Variants in EPB41L4A observed in about 807,000 individuals in gnomAD.
The protein encoded by EPB41L4A is band 4.1-like protein 4A.
In EPB41L4A, 100 loss-of-function variants were observed where a neutral mutation model predicts 108.6. The ratio of observed to expected loss-of-function variants is 0.92; its 90% CI spans 0.78 to 1.09. The LOEUF is 1.09. Among genes scored for constraint, EPB41L4A ranks in the 50% least tolerant of loss-of-function variants. EPB41L4A has a pLI of 0.00. For missense variants in EPB41L4A, 1,030 were observed against 842.7 expected (o/e 1.22, Z -2.75); for synonymous variants, 319 against 289.0 (o/e 1.10, Z -1.05).
intron 5 of EPB41L4A, among the ~76,000 whole-genome samples, chr5:112,265,360 A>G (rs1751773716): frequency 6.6e-6 from 1 of 152,266 alleles, no homozygotes; most frequent in Non-Finnish European, 1.5e-5. Context: ...AAAAACAACC[A>G]TGACCTCAAT....
chr5:112,342,388 A>G lies in EPB41L4A; in HGVS notation c.100-34898T>C, dbSNP rs962840155. Among the ~76,000 whole-genome samples the G allele has an allele frequency of 2.6e-5, 4 of 152,230 alleles. 1 individual carries two copies. The highest frequency in any genetic ancestry group is 1.3e-4 in the Admixed American group (2 of 15,290). ...AAAGCATTCACAGAATGCTTTATTC[A>G]TAGAAATTGTGCTCAGCACAATCCA... On this transcript the variant is annotated intron_variant, in intron 1 of 22. Coordinates refer to ENST00000261486, the MANE Select transcript of EPB41L4A (RefSeq NM_022140.5).
chr5:112,185,249 A>C (rs1206507606), intron 17 of EPB41L4A, among the ~76,000 whole-genome samples: 7 of 152,230 alleles, frequency 4.6e-5, no homozygotes, highest in African/African-American at 1.7e-4. Context: ...CTGCAACTGC[A>C]TGAGCATAAC....
chr5:112,364,011 T>C (rs1758957310), intron 1 of EPB41L4A, among the ~76,000 whole-genome samples: 1 of 151,984 alleles, frequency 6.6e-6, no homozygotes, highest in South Asian at 2.1e-4. Flanking sequence ...ATATTTGCTT[T>C]CATTCATTTA....
rs750604161 is a variant in EPB41L4A, at chr5:112,171,019, C to G, written c.1623-27G>C. Reference sequence around the variant, plus strand: ...TATAAATAGAGAAAACAACATTCATCTCTGCAAACATGCTTCATCTCACAA... The same window carrying G: ...TATAAATAGAGAAAACAACATTCATGTCTGCAAACATGCTTCATCTCACAA... On this transcript the variant is annotated intron_variant, in intron 18 of 22. Transcript: ENST00000261486. The G allele has an allele frequency of 1.9e-6, 3 of 1,598,058 alleles. No homozygotes were observed. The East Asian group carries it at 6.7e-5, about 36-fold the overall frequency.
intron 2 of EPB41L4A, among the ~76,000 whole-genome samples, chr5:112,297,242 T>C (rs924081308): frequency 1.3e-5 from 2 of 152,186 alleles, no homozygotes; most frequent in African/African-American, 4.8e-5. Context: ...CTGTACTAGT[T>C]TACATTCCCA....
chr5:112,419,564 C>G (rs1377917388), upstream of EPB41L4A: 3 of 444,000 alleles, frequency 6.8e-6, no homozygotes, highest in South Asian at 3.2e-5. Context: ...CAGCCGCGAC[C>G]CCGCCCCGCA....
At chr5:112,393,775 G>A (rs1046170579) in intron 1 of EPB41L4A, among the ~76,000 whole-genome samples, 2 of 152,108 alleles carry the variant, frequency 1.3e-5, no homozygotes, top group African/African-American at 4.8e-5. Flanking sequence ...AAGCCTGGCA[G>A]AGACACAACA....
chr5:112,306,199 A>T (rs562697424), intron 2 of EPB41L4A, among the ~76,000 whole-genome samples: 1 of 152,164 alleles, frequency 6.6e-6, no homozygotes, highest in African/African-American at 2.4e-5. Context: ...GTAGCACATG[A>T]CACCTTCTTT....
rs576436108 is a variant in EPB41L4A at position 112,277,205 on chromosome 5, G to A, written c.257-1801C>T. On this transcript the variant is annotated intron_variant, in intron 3 of 22. Coordinates refer to ENST00000261486, the MANE Select transcript of EPB41L4A (RefSeq NM_022140.5). ...GGGTTGGTACCTAGGGGGCGGGGAGGAGCACAGATGCTGCTGAGATGGTGC... is the reference window on the plus strand; with the variant it reads ...GGGTTGGTACCTAGGGGGCGGGGAGAAGCACAGATGCTGCTGAGATGGTGC... Among the ~76,000 whole-genome samples the A allele has an allele frequency of 9.2e-5, 14 of 152,256 alleles. No homozygotes were observed. The South Asian group carries it at 2.3e-3, about 25-fold the overall frequency.
chr5:112,387,570 A>C (rs1236891267), intron 1 of EPB41L4A, among the ~76,000 whole-genome samples: 1 of 152,220 alleles, frequency 6.6e-6, no homozygotes, highest in Non-Finnish European at 1.5e-5. Context: ...CGGAGCTTGC[A>C]GTGAGCCGAA....
At chr5:112,298,256 C>T (rs886556919) in intron 2 of EPB41L4A, among the ~76,000 whole-genome samples, 3 of 151,998 alleles carry the variant, frequency 2.0e-5, no homozygotes, top group East Asian at 1.9e-4. Context: ...TACCCATCCA[C>T]GAACATGAAA....
intron 13 of EPB41L4A, among the ~76,000 whole-genome samples, chr5:112,208,292 C>T (rs1405746551): frequency 3.4e-5 from 5 of 147,150 alleles, no homozygotes; most frequent in Non-Finnish European, 6.0e-5. Context: ...CTCATTGCAG[C>T]ACTATTCACA....
intron 1 of EPB41L4A, among the ~76,000 whole-genome samples, chr5:112,317,655 T>C (rs1460670602): frequency 1.3e-5 from 2 of 152,168 alleles, no homozygotes; most frequent in African/African-American, 4.8e-5. Flanking sequence ...TCACAACAGA[T>C]GATGCATAAA....
At chr5:112,224,602 A>G (rs1472659466) in intron 12 of EPB41L4A, among the ~76,000 whole-genome samples, 3 of 152,196 alleles carry the variant, frequency 2.0e-5, no homozygotes, top group Non-Finnish European at 4.4e-5. Context: ...ACCAAGGCAG[A>G]CCAGGAATTC....
chr5:112,161,471 C>G (rs776003873), downstream of EPB41L4A: 1 of 517,876 alleles, frequency 1.9e-6, no homozygotes. Flanking sequence ...ATAAAGCCTA[C>G]CTCACGCAGT....
rs185704233 is a variant in EPB41L4A, at chr5:112,235,054, T to C, written c.966-299A>G. Among the ~76,000 whole-genome samples the C allele has an allele frequency of 2.5e-3, 374 of 152,210 alleles. No individual in the cohort carries two copies. The highest frequency in any genetic ancestry group is 7.8e-3 in the African/African-American group (323 of 41,550). ...TAGAAATAAAGGTTGCTGACAGTCTTTAAGGTCACTAAATAATAAAGAAAT... is the reference window on the plus strand; with the variant it reads ...TAGAAATAAAGGTTGCTGACAGTCTCTAAGGTCACTAAATAATAAAGAAAT... On this transcript the variant is annotated intron_variant, in intron 11 of 22. Coordinates refer to ENST00000261486, the MANE Select transcript of EPB41L4A (RefSeq NM_022140.5).
At chr5:112,215,827 C>T (rs935513882) in intron 12 of EPB41L4A, among the ~76,000 whole-genome samples, 3 of 151,080 alleles carry the variant, frequency 2.0e-5, no homozygotes, top group Admixed American at 6.6e-5. Flanking sequence ...AAAGGCTGCT[C>T]GTATTTTGAA....
rs757066107 is a variant in EPB41L4A at position 112,194,651 on chromosome 5, G to A, written c.1425-6C>T. The A allele has an allele frequency of 8.8e-6, 14 of 1,591,130 alleles. No individual in the cohort carries two copies. Among genetic ancestry groups the A allele is most frequent in the Admixed American group, 1.8e-5 (1 of 55,612 alleles). Reference sequence around the variant, plus strand: ...TGTTACAGCGTGAACGTGACCTGAAGACAAAAAGGTAAGAACAAAAGAAAA... The same window carrying A: ...TGTTACAGCGTGAACGTGACCTGAAAACAAAAAGGTAAGAACAAAAGAAAA... On this transcript the variant is annotated splice_polypyrimidine_tract_variant and splice_region_variant and intron_variant, in intron 16 of 22. Coordinates refer to ENST00000261486, the MANE Select transcript of EPB41L4A (RefSeq NM_022140.5).
At chr5:112,287,379 T>G (rs891400585) in intron 2 of EPB41L4A, among the ~76,000 whole-genome samples, 1 of 152,236 alleles carries the variant, frequency 6.6e-6, no homozygotes, top group Non-Finnish European at 1.5e-5. Flanking sequence ...TCTATCCATC[T>G]GCAAATCTTG....
Sources: allele counts gnomAD v4.1 joint callset (sites outside exome capture counted in the v4.1 genomes callset), GRCh38; gene constraint gnomAD v4.1.1; transcripts MANE v1.5; gene names NCBI Gene and HGNC (gene_info 2026-07-23, HGNC 2026-07-21).